The following STYK1 variants were observed in gnomAD, a reference collection of about 807,000 sequenced individuals.
The protein encoded by STYK1 is STY kinase 1, also known as tyrosine-protein kinase STYK1.
Under a neutral mutation model 48.1 loss-of-function variants are expected in STYK1, and 46 were observed. The ratio of observed to expected loss-of-function variants is 0.96; its 90% confidence interval spans 0.75 to 1.22. STYK1 has a LOEUF of 1.22. STYK1 is among the 50% of genes most tolerant of loss of function. The pLI is 0.00. For synonymous variants in STYK1, 188 were observed against 189.0 expected (o/e 0.99, Z 0.04); for missense variants, 527 against 521.1 (o/e 1.01, Z -0.11).
In STYK1 at chr12:10,620,299, A is replaced by C. The variant is rs1193313177; in HGVS notation, c.1114T>G (p.Ser372Ala). 1.9e-5 allele frequency: 31 copies of C among 1,613,792 alleles called. No homozygotes were observed. The highest frequency in any genetic ancestry group is 2.5e-5 in the Non-Finnish European group (30 of 1,180,040). Reference sequence around the variant, plus strand: ...AGGCGCAAGCGCAGCTCTCTAGGTGAGGGGCGGTCAGCCTCACGCCAGCGC... The same window carrying C: ...AGGCGCAAGCGCAGCTCTCTAGGTGCGGGGCGGTCAGCCTCACGCCAGCGC... ...CWRWREADRP[S>A]PRELRLRLEA... Residue 372 changes from serine (S) to alanine (A), a missense_variant, in exon 11 of 11, where the codon TCA becomes GCA. Physicochemically the swap from Ser to Ala is moderately conservative, Grantham distance 99 (BLOSUM62 1). Coordinates refer to ENST00000075503, the MANE Select transcript of STYK1 (RefSeq NM_018423.3).
At chr12:10,664,054 C>CA (rs1236530493) in intron 1 of STYK1, among the ~76,000 whole-genome samples, 4 of 152,164 alleles carry the variant, frequency 2.6e-5, no homozygotes, top group African/African-American at 4.8e-5. Context: ...ACAGGTCGGG[C>CA]AACAAATGCC....
intron 1 of STYK1, among the ~76,000 whole-genome samples, chr12:10,649,249 G>A (rs568498421): frequency 6.6e-6 from 1 of 152,000 alleles, no homozygotes; most frequent in Non-Finnish European, 1.5e-5. Flanking sequence ...GGATATACAT[G>A]GGAAGTCATT....
Position 10,631,054 on chromosome 12 carries a change from C to G in STYK1, c.442G>C (p.Ala148Pro). Residue 148 changes from alanine (A) to proline (P), a missense_variant, in exon 5 of 11, where the codon GCT becomes CCT. Ala to Pro is a conservative substitution (Grantham distance 27, BLOSUM62 -1). Coordinates refer to ENST00000075503, the MANE Select transcript of STYK1 (RefSeq NM_018423.3). The stretch of plus-strand genomic sequence containing the variant: ...ACACTTCTTGTTTTACCTTTTAAAG[C>G]CTTGAGAATAACACTCTTGGGCTTA... ...PSKPKSVILKALKEPAGLHEV... is the reference protein window; with the variant it reads ...PSKPKSVILKPLKEPAGLHEV... 5 of 1,613,700 alleles carry G rather than the reference C, an allele frequency of 3.1e-6. No homozygotes were observed. The highest frequency in any genetic ancestry group is 1.7e-5 in the Admixed American group (1 of 60,028).
rs1370466452 is a variant in STYK1 at position 10,622,621 on chromosome 12, T to C, written c.967+17A>G. 26 of 1,613,910 alleles carry C rather than the reference T, an allele frequency of 1.6e-5. No individual in the cohort carries two copies. Among genetic ancestry groups the C allele is most frequent in the Non-Finnish European group, 2.2e-5 (26 of 1,179,866 alleles). On this transcript the variant is annotated intron_variant, in intron 9 of 10. Transcript: ENST00000075503. ...TATTTGCATACAGGTACACACTATT[T>C]TGGGGCTCATCCTTACCTAGAGTCA...
At chr12:10,664,543 A>G (rs2120807771) in intron 1 of STYK1, among the ~76,000 whole-genome samples, 1 of 152,310 alleles carries the variant, frequency 6.6e-6, no homozygotes, top group East Asian at 1.9e-4. Context: ...TCGATCTCAC[A>G]CACTATCTGA....
Position 10,663,598 on chromosome 12 carries a change from C to CAAAAAAAAAAAAAA in STYK1, c.-195+10354_-195+10367dup, listed in dbSNP as rs34019110. On this transcript the variant is annotated intron_variant, in intron 1 of 10. Coordinates refer to ENST00000075503, the MANE Select transcript of STYK1 (RefSeq NM_018423.3). ...TGGGCGACAGAACGAGACTCTGTCTCAAAAAAAAAAAAAAAAAAAAAAAAA... is the reference window on the plus strand; with the variant it reads ...TGGGCGACAGAACGAGACTCTGTCTCAAAAAAAAAAAAAAAAAAAAAAAAAAAAAAAAAAAAAAA... 3.9e-5 allele frequency among the ~76,000 whole-genome samples: 2 copies of CAAAAAAAAAAAAAA among 51,472 alleles called. 1 individual carries two copies. The highest frequency in any genetic ancestry group is 7.1e-5 in the Non-Finnish European group (2 of 28,366). 33.8% of individuals were successfully genotyped at this position (51,472 alleles called of 152,430 possible).
chr12:10,627,300 T>A (rs1233439954), intron 7 of STYK1, among the ~76,000 whole-genome samples: 1 of 152,206 alleles, frequency 6.6e-6, no homozygotes, highest in Non-Finnish European at 1.5e-5. Context: ...TCTCTTTTAA[T>A]TCTATTATTA....
At chr12:10,621,001 G>A (rs553292184) in intron 10 of STYK1, among the ~76,000 whole-genome samples, 2 of 152,234 alleles carry the variant, frequency 1.3e-5, no homozygotes, top group South Asian at 4.2e-4. Flanking sequence ...GCGTGTGTGT[G>A]TATGTGTATA....
At chr12:10,659,312 T>C (rs1947751271) in intron 1 of STYK1, among the ~76,000 whole-genome samples, 1 of 152,216 alleles carries the variant, frequency 6.6e-6, no homozygotes, top group Non-Finnish European at 1.5e-5. Flanking sequence ...CTCCAGAATT[T>C]GGAAACTATT....
At position 10,634,048 on chromosome 12, in the gene STYK1, G is replaced by C. The variant is rs1294669387; in HGVS notation, c.129C>G (p.Val43=). 2 of 1,614,142 alleles carry C rather than the reference G, an allele frequency of 1.2e-6. No individual in the cohort carries two copies. Among genetic ancestry groups the C allele is most frequent in the South Asian group, 2.2e-5 (2 of 91,068 alleles). The change falls in exon 4 of 11, where the codon GTC becomes GTG. Residue 43 remains valine, a synonymous_variant. Coordinates refer to ENST00000075503, the MANE Select transcript of STYK1 (RefSeq NM_018423.3). The part of the protein sequence containing the change: ...LVTIFLILLG[V]ILWLFIREQR... ...GTTCTCTGATAAAAAGCCACAGGAT[G>C]ACCCCAAGAAGGATGAGGAAGATAG...
At chr12:10,649,747 C>G in intron 1 of STYK1, among the ~76,000 whole-genome samples, 1 of 151,956 alleles carries the variant, frequency 6.6e-6, no homozygotes, top group East Asian at 1.9e-4. Flanking sequence ...AAAAAAAGAC[C>G]AAGAGGGAAA....
At chr12:10,665,136 C>T (rs369518255) in intron 1 of STYK1, among the ~76,000 whole-genome samples, 5 of 152,124 alleles carry the variant, frequency 3.3e-5, no homozygotes, top group African/African-American at 4.8e-5. Flanking sequence ...CAAGAAAGAA[C>T]GCAAACACAG....
At chr12:10,649,149 A>T (rs1399950595) in intron 1 of STYK1, among the ~76,000 whole-genome samples, 2 of 152,192 alleles carry the variant, frequency 1.3e-5, no homozygotes, top group African/African-American at 4.8e-5. Flanking sequence ...ATTTGCTTCA[A>T]AATATAATTC....
chr12:10,644,352 C>A (rs1947577300), intron 1 of STYK1, among the ~76,000 whole-genome samples: 1 of 152,136 alleles, frequency 6.6e-6, no homozygotes, highest in South Asian at 2.1e-4. Flanking sequence ...ACTGAAATCC[C>A]AGGAAACTCT....
chr12:10,638,368 T>G (rs1404584209), intron 1 of STYK1, among the ~76,000 whole-genome samples: 1 of 152,068 alleles, frequency 6.6e-6, no homozygotes, highest in Non-Finnish European at 1.5e-5. Context: ...CCTCTTTCAT[T>G]GAGAATCCTG....
At chr12:10,629,236 A>G (rs1947392982) in intron 6 of STYK1, among the ~76,000 whole-genome samples, 1 of 152,190 alleles carries the variant, frequency 6.6e-6, no homozygotes, top group Non-Finnish European at 1.5e-5. Flanking sequence ...AAAATTTAAA[A>G]TTTAGTTTCT....
chr12:10,634,203 G>A, intron 3 of STYK1, 79 bp from the exon 4 acceptor site: 1 of 1,489,146 alleles, frequency 6.7e-7, no homozygotes, highest in Non-Finnish European at 9.1e-7. Context: ...CTACCCGCCA[G>A]CTCTCAGCTC....
At chr12:10,670,214 C>T (rs1947877250) in intron 1 of STYK1, among the ~76,000 whole-genome samples, 1 of 152,040 alleles carries the variant, frequency 6.6e-6, no homozygotes, top group Non-Finnish European at 1.5e-5. Flanking sequence ...AATGTTTTGC[C>T]TTCTGTGTAT....
At chr12:10,643,379 T>C (rs1333348675) in intron 1 of STYK1, among the ~76,000 whole-genome samples, 3 of 152,142 alleles carry the variant, frequency 2.0e-5, no homozygotes, top group African/African-American at 7.2e-5. Flanking sequence ...CCTGAACCCA[T>C]TACCTTTATG....
Sources: allele counts gnomAD v4.1 joint callset (sites outside exome capture counted in the v4.1 genomes callset), GRCh38; gene constraint gnomAD v4.1.1; transcripts MANE v1.5; gene names NCBI Gene and HGNC (gene_info 2026-07-23, HGNC 2026-07-21).